Variants in NBAS observed in about 807,000 individuals in gnomAD.
NBAS encodes the protein NBAS subunit of NRZ tethering complex.
Under a neutral mutation model 302.5 loss-of-function variants are expected in NBAS, and 219 were observed. The ratio of observed to expected loss-of-function variants is 0.72; its 90% CI spans 0.65 to 0.81. NBAS has a LOEUF of 0.81. Ranked by LOEUF, NBAS falls within the 30% of genes least tolerant of loss-of-function variation. NBAS has a pLI of 0.00. For missense variants in NBAS, 2,932 were observed against 2,841.6 expected (o/e 1.03, Z -0.72); for synonymous variants, 1,118 against 1,021.6 (o/e 1.09, Z -1.80).
chr2:15,136,495 A>T, the NBAS span, among the ~76,000 whole-genome samples: 16 of 152,344 alleles, frequency 1.1e-4, 1 homozygote, highest in Admixed American at 8.5e-4. Flanking sequence ...ATTTATAAGA[A>T]GTTTGGCAGA....
chr2:14,839,631 T>C, the NBAS span, among the ~76,000 whole-genome samples: 5 of 152,166 alleles, frequency 3.3e-5, no homozygotes, highest in South Asian at 1.0e-3. Flanking sequence ...GATATCCCCC[T>C]TTTGAATCTC....
At chr2:15,551,416 A>T (rs916245636) in intron 6 of NBAS, 77 bp downstream of exon 6, 1 of 947,266 alleles carries the variant, frequency 1.1e-6, no homozygotes. Flanking sequence ...TTTAATATCT[A>T]TTCTAACTTT....
chr2:15,118,634 A>C, the NBAS span, among the ~76,000 whole-genome samples: 1 of 152,164 alleles, frequency 6.6e-6, no homozygotes, highest in African/African-American at 2.4e-5. Flanking sequence ...CCTTGCTAGA[A>C]AGGCTATAAG....
At chr2:15,386,299 A>C (rs1014121967) in intron 28 of NBAS, among the ~76,000 whole-genome samples, 8 of 152,190 alleles carry the variant, frequency 5.3e-5, no homozygotes, top group African/African-American at 1.9e-4. Context: ...GTTTCCTGGA[A>C]GATGTGTTGG....
At chr2:14,922,716 T>C in the NBAS span, among the ~76,000 whole-genome samples, 1 of 152,198 alleles carries the variant, frequency 6.6e-6, no homozygotes, top group African/African-American at 2.4e-5. Context: ...TTTAGGGGGA[T>C]ACAATTTAGT....
chr2:15,555,287 T>C (rs962219166), intron 3 of NBAS, among the ~76,000 whole-genome samples: 1 of 151,178 alleles, frequency 6.6e-6, no homozygotes, highest in Non-Finnish European at 1.5e-5. Flanking sequence ...ATTAGTAATA[T>C]ACATGTAGTA....
chr2:15,183,312 C>A (rs1037470618), intron 50 of NBAS, among the ~76,000 whole-genome samples: 3 of 152,116 alleles, frequency 2.0e-5, no homozygotes, highest in Non-Finnish European at 4.4e-5. Flanking sequence ...TATAAATGTG[C>A]CCAATTGAGA....
rs562533814 is a variant in NBAS at position 15,501,623 on chromosome 2, T to G, written c.954+2522A>C. 1.4e-4 allele frequency among the ~76,000 whole-genome samples: 20 copies of G among 140,010 alleles called. No individual in the cohort carries two copies. The East Asian group carries it at 4.2e-3, about 30-fold the overall frequency. The allele number at this position is 140,010 out of a possible 152,430, so 91.9% of individuals were successfully genotyped here. A position where few individuals can be genotyped will look rare whatever the true frequency, so the allele number is the denominator to read the frequency against. On this transcript the variant is annotated intron_variant, in intron 11 of 51. Transcript: ENST00000281513. ...TTTTTTTTTTGAGACGGAGTCTCGC[T>G]CTGTCGCCCAGGCTGGAGTGCAGTG...
the NBAS span, among the ~76,000 whole-genome samples, chr2:14,922,254 T>G: frequency 2.0e-5 from 3 of 152,148 alleles, no homozygotes; most frequent in Non-Finnish European, 4.4e-5. Context: ...TTCCCATCTG[T>G]AAGATAAGCA....
At chr2:14,966,502 C>T in the NBAS span, among the ~76,000 whole-genome samples, 1 of 152,140 alleles carries the variant, frequency 6.6e-6, no homozygotes, top group Admixed American at 6.5e-5. Context: ...TACTAAAAGT[C>T]GCCCTCCATA....
At chr2:14,825,864 G>A in the NBAS span, among the ~76,000 whole-genome samples, 28 of 152,142 alleles carry the variant, frequency 1.8e-4, no homozygotes, top group Non-Finnish European at 3.4e-4. Context: ...AGGTAGAAAC[G>A]TTACATGAAA....
Position 15,468,254 on chromosome 2 carries a change from T to A in NBAS, c.1877+128A>T, listed in dbSNP as rs75809913. 2,881 of 1,112,010 alleles carry A rather than the reference T, an allele frequency of 2.6e-3. 43 individuals are homozygous for A. The African/African-American group carries it at 0.038, about 14-fold the overall frequency. The allele number at this position is 1,112,010 out of a possible 1,614,324, so 68.9% of individuals were successfully genotyped here. ...AGCAATGACTTCAGGTAAGACAGTATTGATCAAAAGCAACTGCTTCAGTAC... is the reference window on the plus strand; with the variant it reads ...AGCAATGACTTCAGGTAAGACAGTAATGATCAAAAGCAACTGCTTCAGTAC... On this transcript the variant is annotated intron_variant, in intron 17 of 51. Coordinates refer to ENST00000281513, the MANE Select transcript of NBAS (RefSeq NM_015909.4).
At chr2:15,322,840 T>C (rs1407617786) in intron 38 of NBAS, among the ~76,000 whole-genome samples, 1 of 152,150 alleles carries the variant, frequency 6.6e-6, no homozygotes, top group African/African-American at 2.4e-5. Flanking sequence ...TCCAGACATA[T>C]TGGCATTATC....
At chr2:15,348,513 C>T (rs1397280422) in intron 35 of NBAS, among the ~76,000 whole-genome samples, 1 of 151,980 alleles carries the variant, frequency 6.6e-6, no homozygotes, top group African/African-American at 2.4e-5. Context: ...TCCCCAAAGT[C>T]ACAAAAGGCT....
chr2:15,394,474 AT>A, intron 27 of NBAS, 125 bp from the exon 28 acceptor site: 2 of 924,872 alleles, frequency 2.2e-6, no homozygotes, highest in Non-Finnish European at 3.3e-6. Flanking sequence ...GTGTAATCCA[AT>A]TTTACATATA....
At chr2:15,535,563 T>TAAAA (rs1400131455) in intron 8 of NBAS, among the ~76,000 whole-genome samples, 3 of 139,408 alleles carry the variant, frequency 2.2e-5, no homozygotes, top group South Asian at 2.3e-4. Context: ...AATAAATAAA[T>TAAAA]AAAAATAAAA....
the NBAS span, among the ~76,000 whole-genome samples, chr2:15,086,524 A>G: frequency 2.7e-3 from 411 of 152,330 alleles, 1 homozygote; most frequent in Admixed American, 5.6e-3. Flanking sequence ...GCAGACAGAG[A>G]GAAGAGCTGT....
the NBAS span, among the ~76,000 whole-genome samples, chr2:14,871,720 C>A: frequency 6.6e-6 from 1 of 151,930 alleles, no homozygotes; most frequent in African/African-American, 2.4e-5. Flanking sequence ...TAAAAGTAGA[C>A]TGTGTACACT....
the NBAS span, among the ~76,000 whole-genome samples, chr2:15,094,435 A>C: frequency 6.6e-6 from 1 of 152,234 alleles, no homozygotes; most frequent in Admixed American, 6.5e-5. Flanking sequence ...ACTTTAATTA[A>C]GCCTTGTCAA....
Sources: allele counts gnomAD v4.1 joint callset (sites outside exome capture counted in the v4.1 genomes callset), GRCh38; gene constraint gnomAD v4.1.1; transcripts MANE v1.5; gene names NCBI Gene and HGNC (gene_info 2026-07-23, HGNC 2026-07-21).